The following RNF146 variants were observed in gnomAD, a reference collection of about 807,000 sequenced individuals.
RNF146 encodes E3 ubiquitin-protein ligase RNF146.
RNF146 carries 11 observed loss-of-function variants against 29.7 expected under a neutral mutation model. That is an observed-to-expected ratio of 0.37 (90% CI 0.23 to 0.61). The LOEUF (loss-of-function observed/expected upper bound fraction) is 0.61, where lower values mean the gene tolerates loss of function less well. Among genes scored for constraint, RNF146 ranks in the 20% least tolerant of loss-of-function variants. The pLI, the probability that RNF146 is intolerant of heterozygous loss-of-function variation, is 0.66. For synonymous variants in RNF146, 150 were observed against 159.7 expected (o/e 0.94, Z 0.46); for missense variants, 342 against 438.9 (o/e 0.78, Z 1.97).
chr6:127,286,199 G>A lies in RNF146; in HGVS notation c.3-417G>A, dbSNP rs1779488936. On this transcript the variant is annotated intron_variant, in intron 2 of 2. Coordinates refer to ENST00000368314, the MANE Select transcript of RNF146 (RefSeq NM_001242850.2). The surrounding 1 kb of genome is among the most constrained non-coding windows in gnomAD (Gnocchi z 4.6). ...GCAGGTAAGGAAATTTAGACTAATG[G>A]TTTAACTGAGTGCCTAAGAGCACAT... is the stretch of plus-strand genomic sequence containing the variant. 3.3e-6 allele frequency: 4 copies of A among 1,230,172 alleles called. No homozygotes were observed. The highest frequency in any genetic ancestry group is 6.3e-5 in the East Asian group (2 of 31,570). The allele number at this position is 1,230,172 out of a possible 1,614,324, so 76.2% of individuals were successfully genotyped here. A position where few individuals can be genotyped will look rare whatever the true frequency, so the allele number is the denominator to read the frequency against.
rs771170597 is a variant in RNF146, at chr6:127,287,599, C to T, written c.986C>T (p.Ser329Leu). The T allele has an allele frequency of 2.4e-5, 39 of 1,612,358 alleles. No homozygotes were observed. Among genetic ancestry groups the T allele is most frequent in the East Asian group, 4.5e-5 (2 of 44,802 alleles). The change falls in exon 3 of 3, where the codon TCG (serine) becomes TTG (leucine). Residue 329 changes from serine (S) to leucine (L), a missense_variant. This residue lies in a region of RNF146 where 196 missense variants were observed against 208.9 expected (regional missense o/e 0.94). Coordinates refer to ENST00000368314, the MANE Select transcript of RNF146 (RefSeq NM_001242850.2). ...ACAGTACCCGATCGATCAGATCGAT[C>T]GGGAACTGATCGATCAGTAGCAGGG... ...NQTVPDRSDR[S>L]GTDRSVAGGG...
chr6:127,275,391 T>TC (rs1778059820), intron 1 of RNF146, among the ~76,000 whole-genome samples: 1 of 152,168 alleles, frequency 6.6e-6, no homozygotes, highest in South Asian at 2.1e-4. Context: ...CAGCTTGAGT[T>TC]CACAATTAGA....
At chr6:127,285,527 G>GTTT (rs1467084416) in intron 2 of RNF146, among the ~76,000 whole-genome samples, 22 of 55,686 alleles carry the variant, frequency 4.0e-4, no homozygotes, top group African/African-American at 1.3e-3. Context: ...CTTTTAAAAT[G>GTTT]TCTTTTTTTT....
chr6:127,268,213 T>G (rs527984765), intron 1 of RNF146, among the ~76,000 whole-genome samples: 1 of 152,188 alleles, frequency 6.6e-6, no homozygotes, highest in Non-Finnish European at 1.5e-5. Flanking sequence ...CCCCCCCACC[T>G]CGTGTGTGTA....
chr6:127,272,751 T>C (rs1445286053), intron 1 of RNF146, among the ~76,000 whole-genome samples: 1 of 152,192 alleles, frequency 6.6e-6, no homozygotes, highest in African/African-American at 2.4e-5. Context: ...TTGAGCAACA[T>C]GGGGTTAAGG....
At chr6:127,275,637 C>T (rs6906717) in intron 1 of RNF146, among the ~76,000 whole-genome samples, 5 of 151,920 alleles carry the variant, frequency 3.3e-5, no homozygotes, top group Admixed American at 2.0e-4. Flanking sequence ...TGATAAATTC[C>T]GTAATAGAAA....
intron 1 of RNF146, among the ~76,000 whole-genome samples, chr6:127,278,681 C>T (rs1313258547): frequency 1.3e-5 from 2 of 152,010 alleles, no homozygotes; most frequent in Non-Finnish European, 2.9e-5. Flanking sequence ...ATTGCTATAT[C>T]CCTGGGAGTG....
chr6:127,286,065 C>A lies in RNF146; in HGVS notation c.3-551C>A. 8.1e-7 allele frequency: 1 copy of A among 1,228,968 alleles called. No individual in the cohort carries two copies. The highest frequency in any genetic ancestry group is 4.1e-5 in the South Asian group (1 of 24,248). The allele number at this position is 1,228,968 out of a possible 1,614,324, so 76.1% of individuals were successfully genotyped here. On this transcript the variant is annotated intron_variant, in intron 2 of 2. Transcript: ENST00000368314. The surrounding 1 kb of genome is among the most constrained non-coding windows in gnomAD (Gnocchi z 4.6). ...TCCTCTTCAGGGGATCTTCAATATT[C>A]ATGTTATTTTCTCCTTTGGTCTTAT...
intron 2 of RNF146, chr6:127,280,695 T>A (rs1778805133): frequency 3.0e-6 from 1 of 335,388 alleles, no homozygotes; most frequent in Non-Finnish European, 4.3e-6. Flanking sequence ...TAAGACAGAC[T>A]ACTAGGTTAT....
At chr6:127,280,630 A>G in intron 2 of RNF146, 1 of 992,042 alleles carries the variant, frequency 1.0e-6, no homozygotes, top group Non-Finnish European at 1.2e-6. Flanking sequence ...CCTTCTTTTT[A>G]CATAATAATT....
chr6:127,287,247 G>T lies in RNF146; in HGVS notation c.634G>T (p.Val212Phe). 6.2e-7 allele frequency: 1 copy of T among 1,613,418 alleles called. No homozygotes were observed. Among genetic ancestry groups the T allele is most frequent in the Non-Finnish European group, 8.5e-7 (1 of 1,179,638 alleles). ...DSVSAQSGASVQPLVSSVRPL... is the reference protein window; with the variant it reads ...DSVSAQSGASFQPLVSSVRPL... Reference sequence around the variant, plus strand: ...TGTATCAGCACAGAGTGGAGCTTCTGTTCAGCCCCTAGTGTCTTCTGTAAG... The same window carrying T: ...TGTATCAGCACAGAGTGGAGCTTCTTTTCAGCCCCTAGTGTCTTCTGTAAG... Residue 212 changes from valine (V) to phenylalanine (F), a missense_variant, in exon 3 of 3, where the codon GTT becomes TTT. By Grantham distance (50) the Val-to-Phe change is conservative. This residue lies in a region of RNF146 where 196 missense variants were observed against 208.9 expected (regional missense o/e 0.94). Coordinates refer to ENST00000368314, the MANE Select transcript of RNF146 (RefSeq NM_001242850.2).
At chr6:127,283,574 A>G (rs1779167077) in intron 2 of RNF146, among the ~76,000 whole-genome samples, 1 of 151,764 alleles carries the variant, frequency 6.6e-6, no homozygotes, top group South Asian at 2.1e-4. Context: ...GCCTTGAAGT[A>G]TGTCTTATAG....
chr6:127,286,797 A>C lies in RNF146; in HGVS notation c.184A>C (p.Lys62Gln). 6.2e-7 allele frequency: 1 copy of C among 1,613,256 alleles called. No individual in the cohort carries two copies. Among genetic ancestry groups the C allele is most frequent in the East Asian group, 2.2e-5 (1 of 44,822 alleles). The change falls in exon 3 of 3, where the codon AAA becomes CAA. Residue 62 changes from lysine (K) to glutamine (Q), a missense_variant. Physicochemically the swap from Lys to Gln is moderately conservative, Grantham distance 53 (BLOSUM62 1). Transcript: ENST00000368314. The surrounding 1 kb of genome is among the most constrained non-coding windows in gnomAD (Gnocchi z 4.6). ...GCACGTTTTCTGCTATCTATGTGTA[A>C]AAGGAGCTTCATGGCTTGGAAAGCG... ...CKHVFCYLCV[K>Q]GASWLGKRCA...
intron 2 of RNF146, among the ~76,000 whole-genome samples, chr6:127,281,622 G>C (rs1270111531): frequency 6.6e-6 from 1 of 151,658 alleles, no homozygotes; most frequent in Non-Finnish European, 1.5e-5. Context: ...ACATTTTAGA[G>C]GAGTCAGGGA....
chr6:127,271,385 C>G (rs1777476406), intron 1 of RNF146, among the ~76,000 whole-genome samples: 3 of 152,154 alleles, frequency 2.0e-5, no homozygotes. Context: ...GTCAGTTTGG[C>G]AGAATTGGGG....
chr6:127,276,102 G>A (rs1425253564), intron 1 of RNF146, among the ~76,000 whole-genome samples: 1 of 151,946 alleles, frequency 6.6e-6, no homozygotes, highest in Non-Finnish European at 1.5e-5. Context: ...AGGTTTTAGT[G>A]AGCTATGATC....
intron 2 of RNF146, among the ~76,000 whole-genome samples, chr6:127,280,984 C>T (rs1778843782): frequency 6.6e-6 from 1 of 151,626 alleles, no homozygotes; most frequent in Non-Finnish European, 1.5e-5. Flanking sequence ...CCCTATGCAA[C>T]TTGATGTCAT....
intron 2 of RNF146, among the ~76,000 whole-genome samples, chr6:127,281,927 A>G (rs1778962746): frequency 6.6e-6 from 1 of 151,594 alleles, no homozygotes; most frequent in South Asian, 2.1e-4. Context: ...TTCAGGATTT[A>G]TTTTTGACTT....
chr6:127,269,436 A>G (rs1233599306), intron 1 of RNF146, among the ~76,000 whole-genome samples: 3 of 152,206 alleles, frequency 2.0e-5, no homozygotes, highest in Non-Finnish European at 2.9e-5. Flanking sequence ...TCACTTTTAC[A>G]TCTCATGTTT....
Sources: gnomAD v4.1 joint callset for allele counts (sites outside exome capture counted in the v4.1 genomes callset) on GRCh38, gnomAD v4.1.1 for gene constraint, gnomAD v4.1.1 regional missense constraint, Gnocchi (gnomAD v3.1) non-coding constraint, MANE v1.5 for transcripts, NCBI Gene and HGNC (gene_info 2026-07-23, HGNC 2026-07-21) for gene names.